Variants in CEMIP observed in about 807,000 individuals in gnomAD.
CEMIP encodes cell migration-inducing and hyaluronan-binding protein.
CEMIP carries 105 observed loss-of-function variants against 156.9 expected under a neutral mutation model. The ratio of observed to expected loss-of-function variants is 0.67; its 90% confidence interval spans 0.57 to 0.79. The LOEUF (loss-of-function observed/expected upper bound fraction) is 0.79, where lower values mean the gene tolerates loss of function less well. Ranked by LOEUF, CEMIP falls within the 30% of genes least tolerant of loss-of-function variation. The probability of loss-of-function intolerance (pLI) is 0.00; values close to 1 mark genes in which losing one functional copy is unlikely to be tolerated. For synonymous variants in CEMIP, 676 were observed against 668.4 expected (o/e 1.01, Z -0.17); for missense variants, 1,457 against 1,769.4 (o/e 0.82, Z 3.17).
intron 1 of CEMIP, among the ~76,000 whole-genome samples, chr15:80,816,755 A>G (rs975639938): frequency 6.6e-6 from 1 of 152,134 alleles, no homozygotes; most frequent in Non-Finnish European, 1.5e-5. Context: ...GATAGAGGTC[A>G]AACGAGGGTG....
Position 80,949,081 on chromosome 15 carries a change from C to T in CEMIP, c.*157C>T. On this transcript the variant is annotated 3_prime_UTR_variant, in exon 30 of 30. Transcript: ENST00000394685. The stretch of plus-strand genomic sequence containing the variant: ...GGGCCAAGGGAAGGCTATCAGAGAC[C>T]CTGGTGCTGCCACCTGCCCCTACTC... 1.1e-6 allele frequency: 1 copy of T among 944,686 alleles called. No individual in the cohort carries two copies. Among genetic ancestry groups the T allele is most frequent in the Non-Finnish European group, 1.7e-6 (1 of 598,194 alleles). 58.5% of individuals were successfully genotyped at this position (944,686 alleles called of 1,614,324 possible). A position where few individuals can be genotyped will look rare whatever the true frequency, so the allele number is the denominator to read the frequency against.
At chr15:80,809,366 A>G (rs560917364) in intron 1 of CEMIP, among the ~76,000 whole-genome samples, 2 of 152,224 alleles carry the variant, frequency 1.3e-5, no homozygotes, top group Non-Finnish European at 2.9e-5. Context: ...GAAAATGTTC[A>G]TATTGTGAAG....
intron 14 of CEMIP, chr15:80,909,894 T>A: frequency 6.5e-6 from 2 of 306,684 alleles, no homozygotes; most frequent in South Asian, 6.1e-5. Context: ...ACACTGGACA[T>A]CACAAAATGG....
At chr15:80,781,328 A>G (rs1305618167) in intron 1 of CEMIP, among the ~76,000 whole-genome samples, 1 of 152,230 alleles carries the variant, frequency 6.6e-6, no homozygotes, top group Admixed American at 6.5e-5. Flanking sequence ...TGCAAAAGCA[A>G]CTATGCGGTT....
chr15:80,884,104 G>C, intron 6 of CEMIP, 71 bp from the exon 7 acceptor site: 1 of 1,445,680 alleles, frequency 6.9e-7, no homozygotes, highest in Non-Finnish European at 9.7e-7. Context: ...CGCAGCACAG[G>C]CATGTGCTTA....
intron 1 of CEMIP, among the ~76,000 whole-genome samples, chr15:80,865,759 A>G (rs1345906168): frequency 6.6e-6 from 1 of 151,318 alleles, no homozygotes; most frequent in Non-Finnish European, 1.5e-5. Context: ...AAAAGTTTGG[A>G]CACCCTGCCA....
intron 10 of CEMIP, 103 bp downstream of exon 10, chr15:80,889,695 G>A: frequency 1.4e-6 from 2 of 1,474,984 alleles, no homozygotes; most frequent in Non-Finnish European, 1.9e-6. Flanking sequence ...GATTCTCGTT[G>A]CCCTCCTGTG....
chr15:80,839,903 G>T (rs1416247076), intron 1 of CEMIP, among the ~76,000 whole-genome samples: 1 of 152,206 alleles, frequency 6.6e-6, no homozygotes, highest in African/African-American at 2.4e-5. Context: ...AACCCTAGCA[G>T]GTTGGCACTA....
chr15:80,900,067 T>C (rs959898051), intron 12 of CEMIP, among the ~76,000 whole-genome samples: 1 of 152,194 alleles, frequency 6.6e-6, no homozygotes, highest in Non-Finnish European at 1.5e-5. Flanking sequence ...TCGGGGTTTC[T>C]TGAGACCAGT....
rs140482625 is a variant in CEMIP at position 80,884,229 on chromosome 15, C to T, written c.672C>T (p.Asn224=). ...KESERLVQYL[N]AVPDGRILSV... ...GTGAACGTCTGGTCCAGTATTTGAA[C>T]GCGGTGCCCGATGGCAGGATCCTTT... The change falls in exon 7 of 30, where the codon AAC becomes AAT. Residue 224 remains asparagine (N), a synonymous_variant. Transcript: ENST00000394685. The T allele has an allele frequency of 3.6e-4, 579 of 1,614,200 alleles. 4 individuals carry two copies. The South Asian group carries it at 3.6e-3, about 10-fold the overall frequency.
At chr15:80,880,727 G>T (rs909379785) in intron 5 of CEMIP, among the ~76,000 whole-genome samples, 173 bp from the exon 6 acceptor site, 5 of 152,130 alleles carry the variant, frequency 3.3e-5, no homozygotes, top group African/African-American at 1.2e-4. Context: ...TGAGCCACAA[G>T]CCCAGCCGCT....
At chr15:80,948,691 G>A (rs936390256) in intron 29 of CEMIP, 106 bp from the exon 30 acceptor site, 18 of 1,455,852 alleles carry the variant, frequency 1.2e-5, no homozygotes, top group South Asian at 3.4e-5. Flanking sequence ...GTGGCTAGGC[G>A]GTACCTGGTG....
intron 1 of CEMIP, among the ~76,000 whole-genome samples, chr15:80,787,165 C>G (rs1256696320): frequency 6.6e-6 from 1 of 152,244 alleles, no homozygotes; most frequent in Non-Finnish European, 1.5e-5. Context: ...AGAGAGGCTG[C>G]CCCTCACTGA....
rs1404479361 is a variant in CEMIP at position 80,895,094 on chromosome 15, C to A, written c.1191C>A (p.Tyr397Ter). The A allele has an allele frequency of 1.9e-6, 3 of 1,614,226 alleles. No homozygotes were observed. The highest frequency in any genetic ancestry group is 2.5e-6 in the Non-Finnish European group (3 of 1,180,026). The change falls in exon 11 of 30, where the codon TAC becomes TAA. Residue 397 changes from tyrosine (Y) to a stop codon, truncating the protein, a stop_gained. Transcript: ENST00000394685. LOFTEE classifies it high-confidence loss of function. ...ACCGGGGCAGAGCCTGCCGGAGCTA[C>A]CGTGTACGGTTCCTCTGTGGGAAGC... ...CYDRGRACRS[Y>*]RVRFLCGKPV...
At chr15:80,912,937 T>A (rs2141902673) in intron 14 of CEMIP, among the ~76,000 whole-genome samples, 1 of 152,260 alleles carries the variant, frequency 6.6e-6, no homozygotes, top group South Asian at 2.1e-4. Flanking sequence ...GGCCACTCAG[T>A]AGCATCACAG....
chr15:80,833,142 C>T (rs1298663610), intron 1 of CEMIP, among the ~76,000 whole-genome samples: 1 of 152,156 alleles, frequency 6.6e-6, no homozygotes, highest in African/African-American at 2.4e-5. Context: ...GAATTAGACC[C>T]CACTTTTTTA....
chr15:80,857,634 A>C (rs899100440), intron 1 of CEMIP, among the ~76,000 whole-genome samples: 1 of 152,358 alleles, frequency 6.6e-6, no homozygotes, highest in East Asian at 1.9e-4. Flanking sequence ...ATTGCCAGTC[A>C]GTGGCCTGGG....
At chr15:80,819,842 T>C (rs1213147262) in intron 1 of CEMIP, among the ~76,000 whole-genome samples, 1 of 152,184 alleles carries the variant, frequency 6.6e-6, no homozygotes, top group Non-Finnish European at 1.5e-5. Flanking sequence ...AATAACCCTA[T>C]TTTGTGGATG....
intron 1 of CEMIP, among the ~76,000 whole-genome samples, chr15:80,841,364 G>C (rs575874749): frequency 1.3e-5 from 2 of 152,254 alleles, no homozygotes; most frequent in South Asian, 4.1e-4. Flanking sequence ...GTGATGGGTT[G>C]GGGGTGGAGA....
Sources: allele counts gnomAD v4.1 joint callset (sites outside exome capture counted in the v4.1 genomes callset), GRCh38; gene constraint gnomAD v4.1.1; transcripts MANE v1.5; gene names NCBI Gene and HGNC (gene_info 2026-07-23, HGNC 2026-07-21).